Variants in CACNA2D1 observed in about 807,000 individuals in gnomAD.
CACNA2D1 encodes calcium voltage-gated channel auxiliary subunit alpha2delta 1.
In CACNA2D1, 53 loss-of-function variants were observed where a neutral mutation model predicts 171.5. The observed-to-expected ratio is 0.31, with a 90% CI of 0.25 to 0.39. The LOEUF (loss-of-function observed/expected upper bound fraction) is 0.39. Among genes scored for constraint, CACNA2D1 ranks in the 10% least tolerant of loss-of-function variants. CACNA2D1 has a pLI of 1.00. For synonymous variants in CACNA2D1, 442 were observed against 443.1 expected, an observed-to-expected ratio of 1.00 and a Z score of 0.03; for missense variants, 903 against 1,299.8, an observed-to-expected ratio of 0.69 and a Z score of 4.69.
intron 9 of CACNA2D1, among the ~76,000 whole-genome samples, chr7:82,063,643 T>C (rs1272771827): frequency 1.3e-5 from 2 of 151,994 alleles, no homozygotes; most frequent in South Asian, 2.1e-4. Flanking sequence ...TTACACTTCA[T>C]GTTTATTTTA....
chr7:82,335,103 T>C, intron 3 of CACNA2D1, 32 bp downstream of exon 3: 3 of 1,308,146 alleles, frequency 2.3e-6, no homozygotes, highest in Non-Finnish European at 3.3e-6. Context: ...GTAAGGAAAA[T>C]AATAAAATGA....
At position 81,974,486 on chromosome 7, in the gene CACNA2D1, A is replaced by C; in HGVS notation, c.2022T>G (p.Phe674Leu). Residue 674 changes from phenylalanine (F) to leucine (L), a missense_variant, in exon 25 of 39, where the codon TTT (phenylalanine) becomes TTG (leucine). Around this residue, in one of 5 missense-constraint regions of CACNA2D1, gnomAD observed 623 missense variants for 925.5 expected, o/e 0.67. Transcript: ENST00000356860. The stretch of plus-strand genomic sequence containing the variant: ...GGTTGTTTGGAGTTTTTCTATCAAT[A>C]AACTCGTTGAAATTTAAAAGAAATT... ...NTEFLLNFNE[F>L]IDRKTPNNPS... The C allele has an allele frequency of 6.4e-7, 1 of 1,569,376 alleles. No individual in the cohort carries two copies. The highest frequency in any genetic ancestry group is 8.8e-7 in the Non-Finnish European group (1 of 1,140,718).
chr7:82,242,503 G>A (rs1416671350), intron 3 of CACNA2D1, among the ~76,000 whole-genome samples: 1 of 152,076 alleles, frequency 6.6e-6, no homozygotes, highest in East Asian at 1.9e-4. Context: ...AGAATCTTAA[G>A]TAATCTATAC....
At chr7:82,091,849 C>A (rs1811211096) in intron 6 of CACNA2D1, among the ~76,000 whole-genome samples, 1 of 152,088 alleles carries the variant, frequency 6.6e-6, no homozygotes, top group African/African-American at 2.4e-5. Context: ...CTACTTAAAA[C>A]AAATCATTTA....
intron 2 of CACNA2D1, among the ~76,000 whole-genome samples, chr7:82,341,923 A>G (rs1426954070): frequency 2.0e-5 from 3 of 151,788 alleles, no homozygotes; most frequent in Admixed American, 1.3e-4. Context: ...GCGTGGTGGC[A>G]GGCACCTGTA....
intron 3 of CACNA2D1, among the ~76,000 whole-genome samples, chr7:82,281,204 C>T (rs939327909): frequency 2.6e-5 from 4 of 152,214 alleles, no homozygotes; most frequent in Non-Finnish European, 4.4e-5. Flanking sequence ...CCTCACACCA[C>T]TACTGAAGAG....
Position 82,193,111 on chromosome 7 carries a change from C to T in CACNA2D1, c.295-22502G>A, listed in dbSNP as rs140573810. Among the ~76,000 whole-genome samples the T allele has an allele frequency of 2.1e-3, 323 of 151,872 alleles. 2 individuals carry two copies. The highest frequency in any genetic ancestry group is 7.4e-3 in the African/African-American group (305 of 41,458). On this transcript the variant is annotated intron_variant, in intron 3 of 38. Transcript: ENST00000356860. ...TCAAGGGGTCGTACAAGGATTTAGC[C>T]GAAGCTTTATAGTTAGCTTTGGAAT...
At chr7:82,356,085 C>T (rs1020748756) in intron 1 of CACNA2D1, among the ~76,000 whole-genome samples, 3 of 152,108 alleles carry the variant, frequency 2.0e-5, no homozygotes, top group African/African-American at 7.2e-5. Context: ...ATTTTTCCAA[C>T]ACAGAGCTAA....
chr7:82,117,281 A>G (rs1028613571), intron 5 of CACNA2D1, 108 bp from the exon 6 acceptor site: 26 of 1,096,500 alleles, frequency 2.4e-5, no homozygotes, highest in Non-Finnish European at 2.4e-5. Flanking sequence ...ATAAATCTAC[A>G]ACAATTGTTT....
chr7:82,262,504 C>G (rs1429985868), intron 3 of CACNA2D1, among the ~76,000 whole-genome samples: 1 of 152,090 alleles, frequency 6.6e-6, no homozygotes. Flanking sequence ...GGTGTTATTT[C>G]TAGAGCATTG....
At chr7:82,060,605 T>C (rs1806756616) in intron 9 of CACNA2D1, 78 bp from the exon 10 acceptor site, 1 of 840,720 alleles carries the variant, frequency 1.2e-6, no homozygotes, top group Non-Finnish European at 2.0e-6. Context: ...AGATAATGTA[T>C]GCACTGACCC....
At chr7:81,964,027 T>C (rs374835397) in intron 34 of CACNA2D1, 29 bp downstream of exon 34, 43 of 1,591,726 alleles carry the variant, frequency 2.7e-5, no homozygotes, top group Non-Finnish European at 3.4e-5. Context: ...CTTTCTTTCA[T>C]TACCAATAAA....
At chr7:82,429,439 T>C (rs1158111380) in intron 1 of CACNA2D1, among the ~76,000 whole-genome samples, 1 of 152,112 alleles carries the variant, frequency 6.6e-6, no homozygotes, top group Non-Finnish European at 1.5e-5. Flanking sequence ...TGACCCCAGG[T>C]TTTGGCTCCC....
chr7:82,398,481 T>C (rs950658549), intron 1 of CACNA2D1, among the ~76,000 whole-genome samples: 1 of 152,210 alleles, frequency 6.6e-6, no homozygotes, highest in Non-Finnish European at 1.5e-5. Flanking sequence ...ATTGAAATGC[T>C]GTTGTTACAC....
intron 3 of CACNA2D1, among the ~76,000 whole-genome samples, chr7:82,313,022 G>T (rs1230870316): frequency 1.3e-5 from 2 of 152,130 alleles, no homozygotes; most frequent in East Asian, 3.9e-4. Context: ...GTACAGTCCT[G>T]GTTTGAGAGT....
chr7:82,153,383 T>C (rs1246142173), intron 4 of CACNA2D1, among the ~76,000 whole-genome samples: 1 of 151,840 alleles, frequency 6.6e-6, no homozygotes, highest in Non-Finnish European at 1.5e-5. Flanking sequence ...TTATATATGA[T>C]TAATAAAATA....
rs774565705 is a variant in CACNA2D1, at chr7:82,000,771, C to CTTTTTT, written c.1591-3527_1591-3522dup. Among the ~76,000 whole-genome samples the CTTTTTT allele has an allele frequency of 7.9e-3, 412 of 51,974 alleles. 79 individuals are homozygous for CTTTTTT. The highest frequency in any genetic ancestry group is 0.012 in the East Asian group (15 of 1,250). 34.1% of individuals were successfully genotyped at this position (51,974 alleles called of 152,430 possible). On this transcript the variant is annotated intron_variant, in intron 18 of 38. Transcript: ENST00000356860. ...TACCATGCCTAACTAATTTTTCTTT[C>CTTTTTT]TTTTTTTTTTTTTTTTTTTTTTTTT...
intron 3 of CACNA2D1, among the ~76,000 whole-genome samples, chr7:82,186,080 C>T (rs1010465522): frequency 2.0e-5 from 3 of 151,426 alleles, no homozygotes; most frequent in African/African-American, 7.3e-5. Flanking sequence ...TGCTTGAACC[C>T]GGGAGGTGGA....
chr7:82,104,387 A>G (rs1198265719), intron 6 of CACNA2D1, among the ~76,000 whole-genome samples: 2 of 152,028 alleles, frequency 1.3e-5, no homozygotes, highest in African/African-American at 4.8e-5. Context: ...TGGTTTAACC[A>G]TCATCTAAGA....
Sources: gnomAD v4.1 joint callset for allele counts (sites outside exome capture counted in the v4.1 genomes callset) on GRCh38, gnomAD v4.1.1 for gene constraint, gnomAD v4.1.1 regional missense constraint, MANE v1.5 for transcripts, NCBI Gene and HGNC (gene_info 2026-07-23, HGNC 2026-07-21) for gene names.